The following EYS variants were observed in gnomAD, a reference collection of about 807,000 sequenced individuals.
EYS encodes EGF-like photoreceptor maintenance factor.
EYS carries 250 observed loss-of-function variants against 282.1 expected under a neutral mutation model. That is an observed-to-expected ratio of 0.89 (90% CI 0.80 to 0.98). The LOEUF (loss-of-function observed/expected upper bound fraction) is 0.98. Among genes scored for constraint, EYS ranks in the 50% least tolerant of loss-of-function variants. EYS has a pLI of 0.00. For synonymous variants in EYS, 1,355 were observed against 1,282.9 expected (o/e 1.06, Z -1.20); for missense variants, 4,016 against 3,709.0 (o/e 1.08, Z -2.15).
intron 5 of EYS, among the ~76,000 whole-genome samples, chr6:65,434,677 C>T (rs1025835032): frequency 1.3e-5 from 2 of 152,086 alleles, no homozygotes; most frequent in Non-Finnish European, 1.5e-5. Context: ...AATGTTTCAT[C>T]TATGAGAGGC....
chr6:64,857,161 A>G (rs1766089504), intron 19 of EYS, among the ~76,000 whole-genome samples: 1 of 152,146 alleles, frequency 6.6e-6, no homozygotes, highest in African/African-American at 2.4e-5. Flanking sequence ...ACCATAATAA[A>G]GTATAGTAAG....
At chr6:65,503,503 G>T (rs1441269697) in intron 2 of EYS, among the ~76,000 whole-genome samples, 1 of 151,476 alleles carries the variant, frequency 6.6e-6, no homozygotes, top group Non-Finnish European at 1.5e-5. Flanking sequence ...TTTCGGTGTT[G>T]TATCAAAAAA....
chr6:65,586,412 G>C (rs1179630190), intron 2 of EYS, among the ~76,000 whole-genome samples: 1 of 152,014 alleles, frequency 6.6e-6, no homozygotes, highest in Non-Finnish European at 1.5e-5. Flanking sequence ...GGCAACTATT[G>C]AGATGCTGGA....
At chr6:64,188,404 A>C (rs1562244422) in intron 31 of EYS, among the ~76,000 whole-genome samples, 1 of 152,194 alleles carries the variant, frequency 6.6e-6, no homozygotes, top group Non-Finnish European at 1.5e-5. Context: ...TTTAGCAAAT[A>C]AAAATACAAG....
At chr6:64,711,107 T>C (rs988084682) in intron 22 of EYS, among the ~76,000 whole-genome samples, 4 of 152,314 alleles carry the variant, frequency 2.6e-5, no homozygotes, top group Middle Eastern at 3.4e-3. Flanking sequence ...TAGGTGTTAA[T>C]ACTGTAATTA....
chr6:64,137,196 T>C (rs982633219), intron 31 of EYS, among the ~76,000 whole-genome samples: 3 of 152,156 alleles, frequency 2.0e-5, no homozygotes, highest in South Asian at 2.1e-4. Context: ...TCCTCGCCTC[T>C]TTCAGCCTTC....
At chr6:65,671,157 G>C (rs561470777) in intron 1 of EYS, among the ~76,000 whole-genome samples, 28 of 152,028 alleles carry the variant, frequency 1.8e-4, no homozygotes, top group Non-Finnish European at 3.5e-4. Flanking sequence ...TAGGACATCT[G>C]TGAAGATAAC....
intron 35 of EYS, among the ~76,000 whole-genome samples, chr6:63,947,756 TG>T (rs1198217514): frequency 6.6e-6 from 1 of 152,068 alleles, no homozygotes; most frequent in Non-Finnish European, 1.5e-5. Context: ...AGAAAAAAAA[TG>T]CCCCCTGACA....
In EYS at chr6:65,636,562, A is replaced by G. The variant is rs552388758; in HGVS notation, c.-333+3216T>C. On this transcript the variant is annotated intron_variant, in intron 2 of 42. Coordinates refer to ENST00000503581, the MANE Select transcript of EYS (RefSeq NM_001142800.2). ...TGTATAAAACAGCCAACAATTAACC[A>G]CTTCCCTTAAGATGACAGCAAGAAT... Among the ~76,000 whole-genome samples, 12 of 152,302 alleles carry G rather than the reference A, an allele frequency of 7.9e-5. No individual in the cohort carries two copies. The South Asian group carries it at 2.3e-3, about 29-fold the overall frequency.
At chr6:65,453,944 G>T (rs1582316065) in intron 5 of EYS, among the ~76,000 whole-genome samples, 1 of 151,676 alleles carries the variant, frequency 6.6e-6, no homozygotes, top group African/African-American at 2.4e-5. Flanking sequence ...GGACTTTTAG[G>T]TTGATTCTAT....
In EYS at chr6:63,720,951, C is replaced by T. The variant is rs901746105; in HGVS notation, c.9080G>A (p.Arg3027Lys). ...GTTATAGCTCATAGGCACAGAGATT[C>T]TTTCTCCCAAGTTAACTGCTATTTT... ...TLKIAVNLGE[R>K]ISVPMSYNNG... Residue 3027 changes from arginine to lysine, a missense_variant, in exon 43 of 43, where the codon AGA becomes AAA. Physicochemically the swap from Arg to Lys is conservative, Grantham distance 26 (BLOSUM62 2). Coordinates refer to ENST00000503581, the MANE Select transcript of EYS (RefSeq NM_001142800.2). 5 of 1,551,330 alleles carry T rather than the reference C, an allele frequency of 3.2e-6. No homozygotes were observed. The highest frequency in any genetic ancestry group is 4.4e-6 in the Non-Finnish European group (5 of 1,146,786).
rs1340543682 is a variant in EYS at position 64,591,541 on chromosome 6, T to A, written c.4326A>T (p.Ser1442=). The stretch of plus-strand genomic sequence containing the variant: ...TAAGCAGGAATCCACGGGAGAGTAA[T>A]GACTGCCTGTTTAGCTCAATATCAG... ...PGADIELNRQ[S]LLSRGFLLIA... Residue 1442 remains serine, a synonymous_variant, in exon 26 of 43, where the codon TCA becomes TCT. Transcript: ENST00000503581. 10 of 1,551,162 alleles carry A rather than the reference T, an allele frequency of 6.4e-6. No individual in the cohort carries two copies. Among genetic ancestry groups the A allele is most frequent in the Non-Finnish European group, 8.7e-6 (10 of 1,146,756 alleles).
Position 63,999,105 on chromosome 6 carries a change from C to G in EYS, c.6804G>C (p.Lys2268Asn). 6.4e-7 allele frequency: 1 copy of G among 1,551,684 alleles called. No individual in the cohort carries two copies. The highest frequency in any genetic ancestry group is 8.7e-7 in the Non-Finnish European group (1 of 1,146,712). The stretch of plus-strand genomic sequence containing the variant: ...AGGCATGGGAAATCTCTGTGTCTTT[C>G]TTCTGTACTGGAGGTTTTCCATCTG... ...MTADGKPPVQ[K>N]KDTEISHASQ... The change falls in exon 34 of 43, where the codon AAG becomes AAC. Residue 2268 changes from lysine to asparagine, a missense_variant. Coordinates refer to ENST00000503581, the MANE Select transcript of EYS (RefSeq NM_001142800.2).
At chr6:65,179,094 C>T (rs1158932259) in intron 12 of EYS, among the ~76,000 whole-genome samples, 2 of 151,932 alleles carry the variant, frequency 1.3e-5, no homozygotes, top group Non-Finnish European at 2.9e-5. Flanking sequence ...CACTAAATGC[C>T]CGCAAGAGAA....
chr6:65,191,534 C>G (rs747489771), intron 12 of EYS, among the ~76,000 whole-genome samples: 1 of 151,796 alleles, frequency 6.6e-6, no homozygotes, highest in Non-Finnish European at 1.5e-5. Flanking sequence ...TATGTTCTTT[C>G]AACTGTGAAT....
intron 30 of EYS, among the ~76,000 whole-genome samples, chr6:64,287,073 GA>G (rs1768529349): frequency 6.6e-6 from 1 of 152,044 alleles, no homozygotes; most frequent in Non-Finnish European, 1.5e-5. Flanking sequence ...TAAGATAACT[GA>G]AATAACAGGT....
intron 31 of EYS, among the ~76,000 whole-genome samples, chr6:64,143,252 G>A (rs1022426454): frequency 6.0e-5 from 9 of 149,496 alleles, no homozygotes; most frequent in South Asian, 4.3e-4. Flanking sequence ...GATGCATGTC[G>A]TTCTACATTT....
chr6:64,389,601 G>C (rs112619956), intron 28 of EYS, among the ~76,000 whole-genome samples: 70 of 152,196 alleles, frequency 4.6e-4, no homozygotes, highest in African/African-American at 1.5e-3. Context: ...TTTCATAACA[G>C]AATTGAATAA....
chr6:65,511,114 A>G (rs1175423338), intron 2 of EYS, among the ~76,000 whole-genome samples: 1 of 152,216 alleles, frequency 6.6e-6, no homozygotes, highest in Non-Finnish European at 1.5e-5. Context: ...AATAAAATTG[A>G]CAAACAGTAA....
Sources: allele counts gnomAD v4.1 joint callset (sites outside exome capture counted in the v4.1 genomes callset), GRCh38; gene constraint gnomAD v4.1.1; transcripts MANE v1.5; gene names NCBI Gene and HGNC (gene_info 2026-07-23, HGNC 2026-07-21).